The following GPHN variants were observed in gnomAD, a reference collection of about 807,000 sequenced individuals.
GPHN encodes gephyrin.
Under a neutral mutation model 95.5 loss-of-function variants are expected in GPHN, and 17 were observed. That is an observed-to-expected ratio of 0.18 (90% CI 0.12 to 0.27). The LOEUF is 0.27. Ranked by LOEUF, GPHN falls within the 10% of genes least tolerant of loss-of-function variation. The pLI, the probability that GPHN is intolerant of heterozygous loss-of-function variation, is 1.00. For missense variants in GPHN, 660 were observed against 978.1 expected (o/e 0.67, Z 4.34); for synonymous variants, 320 against 322.5 (o/e 0.99, Z 0.08).
At chr14:66,544,859 A>T (rs1446122743) in intron 1 of GPHN, among the ~76,000 whole-genome samples, 1 of 151,908 alleles carries the variant, frequency 6.6e-6, no homozygotes, top group Admixed American at 6.5e-5. Flanking sequence ...AATCCATTTA[A>T]CCCTGAGTGG....
At chr14:66,640,122 C>T (rs2064315186) in intron 1 of GPHN, among the ~76,000 whole-genome samples, 1 of 152,036 alleles carries the variant, frequency 6.6e-6, no homozygotes, top group Admixed American at 6.6e-5. Context: ...TTTTTTGTGG[C>T]CTAAGAAATG....
chr14:66,528,476 T>A (rs1167556396), intron 1 of GPHN, among the ~76,000 whole-genome samples: 1 of 152,208 alleles, frequency 6.6e-6, no homozygotes, highest in African/African-American at 2.4e-5. Flanking sequence ...AAGGTAAATA[T>A]TGTTATGTGT....
At position 66,905,379 on chromosome 14, in the gene GPHN, C is replaced by G. The variant is rs113907079; in HGVS notation, c.390-10624C>G. Among the ~76,000 whole-genome samples the G allele has an allele frequency of 6.3e-4, 96 of 152,130 alleles. 2 individuals carry two copies. The highest frequency in any genetic ancestry group is 1.9e-3 in the Admixed American group (29 of 15,278). On this transcript the variant is annotated intron_variant, in intron 5 of 22. Coordinates refer to ENST00000478722, the MANE Select transcript of GPHN (RefSeq NM_020806.5). Reference sequence around the variant, plus strand: ...GTTTTCTTAAAACTACTATTTTGAGCTCTTGGTTAGGGAGCTCACATATTG... The same window carrying G: ...GTTTTCTTAAAACTACTATTTTGAGGTCTTGGTTAGGGAGCTCACATATTG...
the GPHN span, among the ~76,000 whole-genome samples, chr14:67,669,328 G>C: frequency 6.8e-6 from 1 of 147,940 alleles, no homozygotes; most frequent in Non-Finnish European, 1.5e-5. Flanking sequence ...GGAGTGCAAT[G>C]ATGTGATGAC....
At chr14:67,726,870 T>C in the GPHN span, 2 of 889,428 alleles carry the variant, frequency 2.2e-6, no homozygotes, top group Non-Finnish European at 3.6e-6. Flanking sequence ...GGCATCAAAA[T>C]TGGTTCACAC....
At chr14:67,734,705 A>G in the GPHN span, among the ~76,000 whole-genome samples, 9 of 152,298 alleles carry the variant, frequency 5.9e-5, no homozygotes, top group African/African-American at 2.2e-4. Context: ...AGAATCTGGC[A>G]CCCAAAAGGA....
At chr14:67,175,028 G>C (rs1238359520) in intron 21 of GPHN, among the ~76,000 whole-genome samples, 1 of 152,126 alleles carries the variant, frequency 6.6e-6, no homozygotes, top group Non-Finnish European at 1.5e-5. Context: ...TCTGTAGGTT[G>C]CTTGTTCACT....
chr14:67,652,090 T>A, the GPHN span, among the ~76,000 whole-genome samples: 1 of 152,116 alleles, frequency 6.6e-6, no homozygotes, highest in Non-Finnish European at 1.5e-5. Flanking sequence ...CATGAGTGGG[T>A]TGTAGTTTTG....
chr14:67,648,062 C>T, the GPHN span: 1 of 1,612,456 alleles, frequency 6.2e-7, no homozygotes, highest in Non-Finnish European at 8.5e-7. Flanking sequence ...AAAGACCAAT[C>T]CATTTGAGTT....
At chr14:67,459,555 T>C in the GPHN span, among the ~76,000 whole-genome samples, 1 of 152,216 alleles carries the variant, frequency 6.6e-6, no homozygotes, top group Non-Finnish European at 1.5e-5. Context: ...CACACCCTGA[T>C]ACCCATCTTG....
chr14:66,518,243 GCAT>G (rs2058333346), intron 1 of GPHN, among the ~76,000 whole-genome samples: 3 of 152,050 alleles, frequency 2.0e-5, no homozygotes, highest in African/African-American at 7.2e-5. Context: ...ACAATGTTCA[GCAT>G]CATTAATCAT....
chr14:66,839,130 C>T (rs1440174887), intron 4 of GPHN, among the ~76,000 whole-genome samples: 1 of 152,102 alleles, frequency 6.6e-6, no homozygotes, highest in African/African-American at 2.4e-5. Flanking sequence ...AGAAAGGATC[C>T]AAGTTCCTTC....
At chr14:66,598,004 A>C (rs1185203294) in intron 1 of GPHN, among the ~76,000 whole-genome samples, 1 of 152,214 alleles carries the variant, frequency 6.6e-6, no homozygotes, top group East Asian at 1.9e-4. Context: ...CCTGTAGGAC[A>C]TTATGTTAAG....
intron 1 of GPHN, among the ~76,000 whole-genome samples, chr14:66,573,011 C>T (rs1179771288): frequency 6.6e-6 from 1 of 152,168 alleles, no homozygotes; most frequent in Non-Finnish European, 1.5e-5. Context: ...TTAATTTCCA[C>T]ATAGTTGTGG....
At chr14:67,491,919 G>C in the GPHN span, among the ~76,000 whole-genome samples, 1 of 152,212 alleles carries the variant, frequency 6.6e-6, no homozygotes, top group Admixed American at 6.5e-5. Context: ...CATGGGGAAG[G>C]TGCATGGAGA....
intron 14 of GPHN, 133 bp downstream of exon 14, chr14:67,110,392 G>A (rs998598490): frequency 3.4e-6 from 3 of 871,130 alleles, no homozygotes; most frequent in African/African-American, 3.3e-5. Context: ...GCTTATGGTG[G>A]GATCTTATAT....
chr14:66,979,207 A>G (rs1438373082), intron 9 of GPHN, among the ~76,000 whole-genome samples: 2 of 152,108 alleles, frequency 1.3e-5, no homozygotes, highest in Non-Finnish European at 2.9e-5. Context: ...ATTATTCCCT[A>G]CCAAGATAGT....
chr14:66,526,072 A>G (rs2058679257), intron 1 of GPHN, among the ~76,000 whole-genome samples: 1 of 151,970 alleles, frequency 6.6e-6, no homozygotes, highest in Non-Finnish European at 1.5e-5. Context: ...TCTATAAATT[A>G]CTTTGGGCAG....
At chr14:67,397,502 A>G in the GPHN span, among the ~76,000 whole-genome samples, 1 of 152,248 alleles carries the variant, frequency 6.6e-6, no homozygotes, top group South Asian at 2.1e-4. Flanking sequence ...CTACTTGTCC[A>G]AGCTCACATA....
Sources: allele counts gnomAD v4.1 joint callset (sites outside exome capture counted in the v4.1 genomes callset), GRCh38; gene constraint gnomAD v4.1.1; transcripts MANE v1.5; gene names NCBI Gene and HGNC (gene_info 2026-07-23, HGNC 2026-07-21).